The following OR2V1 variants were observed in gnomAD, a reference collection of about 807,000 sequenced individuals.
OR2V1 encodes the protein olfactory receptor family 2 subfamily V member 1.
A neutral mutation model predicts 15.0 loss-of-function variants in OR2V1; 18 were observed. That is an observed-to-expected ratio of 1.20 (90% CI 0.83 to 1.78). The LOEUF (loss-of-function observed/expected upper bound fraction) is 1.78, where lower values mean the gene tolerates loss of function less well. Ranked by LOEUF, OR2V1 falls within the 40% of genes most tolerant of loss-of-function variation. The probability of loss-of-function intolerance (pLI) is 0.00; values close to 1 mark genes in which losing one functional copy is unlikely to be tolerated. For synonymous variants in OR2V1, 144 were observed against 146.1 expected, an observed-to-expected ratio of 0.99 and a Z score of 0.10; for missense variants, 359 against 392.9, an observed-to-expected ratio of 0.91 and a Z score of 0.73.
At chr5:181,130,271 C>A in intron 1 of OR2V1, 56 bp from the exon 2 acceptor site, 1 of 398,912 alleles carries the variant, frequency 2.5e-6, no homozygotes, top group South Asian at 1.3e-4. Context: ...TGTTTGCTCC[C>A]ACTGGGTCGG....
At position 181,127,058 on chromosome 5, in the gene OR2V1, C is replaced by T. The variant is rs577191398; in HGVS notation, c.-21-1733G>A. ...AGCCGGATGAAAACGCTGAATGTCT[C>T]GTTCTCCCAGGCCCCTTCCTGCTGC... On this transcript the variant is annotated intron_variant, in intron 3 of 3. Coordinates refer to ENST00000641551, the MANE Select transcript of OR2V1 (RefSeq NM_001258283.2). Among the ~76,000 whole-genome samples the T allele has an allele frequency of 1.8e-4, 27 of 152,346 alleles. No individual in the cohort carries two copies. In the South Asian group the frequency reaches 5.2e-3, roughly 29 times the overall value.
At position 181,124,341 on chromosome 5, in the gene OR2V1, C is replaced by T; in HGVS notation, c.*16G>A. On this transcript the variant is annotated 3_prime_UTR_variant, in exon 4 of 4. Coordinates refer to ENST00000641551, the MANE Select transcript of OR2V1 (RefSeq NM_001258283.2). ...CACAGGCAAGAAGGGGCACAGCAGG[C>T]ACCAGACTCTGGGGTTCAGTGCTGG... The T allele has an allele frequency of 6.5e-7, 1 of 1,535,500 alleles. No homozygotes were observed. The highest frequency in any genetic ancestry group is 8.8e-7 in the Non-Finnish European group (1 of 1,141,564).
chr5:181,126,457 C>G (rs200856256), intron 3 of OR2V1, among the ~76,000 whole-genome samples: 5,143 of 126,086 alleles, frequency 0.041, 261 homozygotes, highest in African/African-American at 0.13. Flanking sequence ...CACACACACA[C>G]AGAGACACAC....
At chr5:181,127,714 G>A (rs547518429) in intron 3 of OR2V1, among the ~76,000 whole-genome samples, 2 of 152,106 alleles carry the variant, frequency 1.3e-5, no homozygotes, top group African/African-American at 2.4e-5. Flanking sequence ...GAGTGATGTG[G>A]AGGGGATTTC....
In OR2V1 at chr5:181,126,384, G is replaced by A. The variant is rs986371814; in HGVS notation, c.-21-1059C>T. Among the ~76,000 whole-genome samples the A allele has an allele frequency of 2.0e-5, 3 of 150,932 alleles. No homozygotes were observed. In the Admixed American group the frequency reaches 2.0e-4, roughly 10 times the overall value. ...CCCAAATTACTCCAAATAAAGCCCA[G>A]TTCTTACAGTGGCAAGCAAAGCCCT... On this transcript the variant is annotated intron_variant, in intron 3 of 3. Coordinates refer to ENST00000641551, the MANE Select transcript of OR2V1 (RefSeq NM_001258283.2).
chr5:181,128,937 A>C (rs1024176419), intron 3 of OR2V1, among the ~76,000 whole-genome samples: 13 of 152,158 alleles, frequency 8.5e-5, no homozygotes, highest in Admixed American at 2.0e-4. Context: ...AATGCATAAA[A>C]ATTTTGTTGG....
chr5:181,131,073 T>C lies in OR2V1; in HGVS notation c.-144A>G, dbSNP rs138636180. The C allele has an allele frequency of 7.6e-3, 1,161 of 152,324 alleles. 10 individuals are homozygous for C. The highest frequency in any genetic ancestry group is 0.013 in the Non-Finnish European group (882 of 68,098). The allele number at this position is 152,324 out of a possible 1,614,324, so 9.4% of individuals were successfully genotyped here. Reference sequence around the variant, plus strand: ...ACCTTCACGAGAGTCGGGTGGAGCCTGGGGGCCTGGTTGGGATCCTCATAA... The same window carrying C: ...ACCTTCACGAGAGTCGGGTGGAGCCCGGGGGCCTGGTTGGGATCCTCATAA... On this transcript the variant is annotated 5_prime_UTR_variant, in exon 1 of 4. Coordinates refer to ENST00000641551, the MANE Select transcript of OR2V1 (RefSeq NM_001258283.2).
chr5:181,128,272 C>A (rs7378761), intron 3 of OR2V1, among the ~76,000 whole-genome samples: 37,764 of 151,702 alleles, frequency 0.25, 8,992 homozygotes, highest in African/African-American at 0.62. Context: ...ACATACCCCC[C>A]AGCCAGCACG....
chr5:181,128,555 C>G (rs534633613), intron 3 of OR2V1, among the ~76,000 whole-genome samples: 1 of 152,364 alleles, frequency 6.6e-6, no homozygotes, highest in Non-Finnish European at 1.5e-5. Context: ...TCCCTGCCTC[C>G]TGGAGCTGCT....
chr5:181,129,669 T>C (rs1446782087), intron 2 of OR2V1, 94 bp from the exon 3 acceptor site: 1 of 152,654 alleles, frequency 6.6e-6, no homozygotes, highest in Non-Finnish European at 1.5e-5. Context: ...TTTCAGACCT[T>C]TCCGTTGGGT....
At position 181,124,232 on chromosome 5, in the gene OR2V1, G is replaced by T; in HGVS notation, c.*125C>A. 1 of 900,756 alleles carries T rather than the reference G, an allele frequency of 1.1e-6. No homozygotes were observed. The highest frequency in any genetic ancestry group is 1.5e-6 in the Non-Finnish European group (1 of 651,608). 55.8% of individuals were successfully genotyped at this position (900,756 alleles called of 1,614,324 possible). ...GTTCATAATGGCTTTTCTCATGATGGCCAAAACCTATAAACCATCCAATGA... is the reference window on the plus strand; with the variant it reads ...GTTCATAATGGCTTTTCTCATGATGTCCAAAACCTATAAACCATCCAATGA... On this transcript the variant is annotated 3_prime_UTR_variant, in exon 4 of 4. Transcript: ENST00000641551.
intron 2 of OR2V1, 59 bp downstream of exon 2, chr5:181,130,114 A>C: frequency 2.5e-6 from 1 of 399,214 alleles, no homozygotes; most frequent in Admixed American, 4.4e-5. Flanking sequence ...GTGAACCAGC[A>C]ATGGGAGCAG....
chr5:181,128,066 G>T (rs1762902536), intron 3 of OR2V1, among the ~76,000 whole-genome samples: 1 of 152,022 alleles, frequency 6.6e-6, no homozygotes, highest in South Asian at 2.1e-4. Flanking sequence ...ACCCGAAGTG[G>T]CCAAACAGAC....
At chr5:181,129,757 C>T (rs1426801976) in intron 2 of OR2V1, among the ~76,000 whole-genome samples, 182 bp from the exon 3 acceptor site, 2 of 152,298 alleles carry the variant, frequency 1.3e-5, no homozygotes, top group Admixed American at 6.5e-5. Flanking sequence ...ATATTCTCCC[C>T]GGCACGGGAG....
intron 3 of OR2V1, among the ~76,000 whole-genome samples, chr5:181,128,541 G>A (rs1483050178): frequency 3.3e-5 from 5 of 152,138 alleles, no homozygotes; most frequent in East Asian, 1.9e-4. Flanking sequence ...CCTCCATGCC[G>A]GTCTCCCTGC....
chr5:181,123,629 C>T lies in OR2V1; in HGVS notation c.*728G>A, dbSNP rs1582183355. On this transcript the variant is annotated 3_prime_UTR_variant, in exon 4 of 4. Transcript: ENST00000641551. ...CAGGTTTGCCCTGAGCAGTTCCCACCTTGACTTTTCCCTTTATCCTCGTGA... is the reference window on the plus strand; with the variant it reads ...CAGGTTTGCCCTGAGCAGTTCCCACTTTGACTTTTCCCTTTATCCTCGTGA... The T allele has an allele frequency of 6.6e-6, 1 of 152,202 alleles. No homozygotes were observed. The highest frequency in any genetic ancestry group is 2.1e-4 in the South Asian group (1 of 4,828). The allele number at this position is 152,202 out of a possible 1,614,324, so 9.4% of individuals were successfully genotyped here.
In OR2V1 at chr5:181,124,943, T is replaced by C. The variant is rs1231565034; in HGVS notation, c.362A>G (p.Tyr121Cys). The C allele has an allele frequency of 6.2e-7, 1 of 1,613,890 alleles. No individual in the cohort carries two copies. Among genetic ancestry groups the C allele is most frequent in the Non-Finnish European group, 8.5e-7 (1 of 1,180,006 alleles). ...GTGGCTAACGGCCACGTAGCGGTCA[T>C]AAGCCATGAGTCCCAGCAAGAGCCC... ...SEGLLLGLMAYDRYVAVSHPL... is the reference protein window; with the variant it reads ...SEGLLLGLMACDRYVAVSHPL... The change falls in exon 4 of 4, where the codon TAT becomes TGT. Residue 121 changes from tyrosine to cysteine, a missense_variant. By Grantham distance (194) the Tyr-to-Cys change is radical. Coordinates refer to ENST00000641551, the MANE Select transcript of OR2V1 (RefSeq NM_001258283.2).
At position 181,125,256 on chromosome 5, in the gene OR2V1, C is replaced by G. The variant is rs540490193; in HGVS notation, c.49G>C (p.Gly17Arg). 22 of 1,613,820 alleles carry G rather than the reference C, an allele frequency of 1.4e-5. No homozygotes were observed. The South Asian group carries it at 2.1e-4, about 15-fold the overall frequency. Residue 17 changes from glycine (G) to arginine (R), a missense_variant, in exon 4 of 4, where the codon GGC becomes CGC. Transcript: ENST00000641551. ...TCAGTCTGGCTGTGGGAAAAGATGC[C>G]CAAGAGGAAGAAGCCATCTGTGTAG... ...QSYTDGFFLL[G>R]IFSHSQTDLV...
rs532435336 is a variant in OR2V1, at chr5:181,125,389, G to A, written c.-21-64C>T. The A allele has an allele frequency of 1.2e-5, 14 of 1,204,874 alleles. No individual in the cohort carries two copies. The East Asian group carries it at 2.0e-4, about 17-fold the overall frequency. The allele number at this position is 1,204,874 out of a possible 1,614,324, so 74.6% of individuals were successfully genotyped here. A position where few individuals can be genotyped will look rare whatever the true frequency, so the allele number is the denominator to read the frequency against. ...TCTCTATTGTGCTCCAAATTCTTCA[G>A]TTCAACAGCGTATGCTCTGAGAGAT... On this transcript the variant is annotated intron_variant, in intron 3 of 3. Transcript: ENST00000641551.
Sources: allele counts gnomAD v4.1 joint callset (sites outside exome capture counted in the v4.1 genomes callset), GRCh38; gene constraint gnomAD v4.1.1; transcripts MANE v1.5; gene names NCBI Gene and HGNC (gene_info 2026-07-23, HGNC 2026-07-21).